The following CPEB1 variants were observed in gnomAD, a reference collection of about 807,000 sequenced individuals.
CPEB1 encodes cytoplasmic polyadenylation element binding protein 1, also known as cytoplasmic polyadenylation element-binding protein 1.
In CPEB1, 7 loss-of-function variants were observed where a neutral mutation model predicts 65.8. That is an observed-to-expected ratio of 0.11 (90% CI 0.06 to 0.20). The LOEUF (loss-of-function observed/expected upper bound fraction) is 0.20, where lower values mean the gene tolerates loss of function less well. Ranked by LOEUF, CPEB1 falls within the 10% of genes least tolerant of loss-of-function variation. The probability of loss-of-function intolerance (pLI) is 1.00; values close to 1 mark genes in which losing one functional copy is unlikely to be tolerated. For missense variants in CPEB1, 551 were observed against 712.2 expected (o/e 0.77, Z 2.58); for synonymous variants, 262 against 260.0 (o/e 1.01, Z -0.08).
chr15:82,628,052 A>T (rs141473827), intron 2 of CPEB1: 1 of 612,850 alleles, frequency 1.6e-6, no homozygotes, highest in African/African-American at 1.8e-5. Flanking sequence ...GGCTCATTAC[A>T]CATGCTACTC....
intron 3 of CPEB1, among the ~76,000 whole-genome samples, chr15:82,601,051 C>T (rs1053278444): frequency 4.0e-5 from 6 of 150,674 alleles, no homozygotes; most frequent in Admixed American, 6.6e-5. Flanking sequence ...ATTACAGGTG[C>T]GTGCCACCAC....
chr15:82,547,307 T>C, intron 10 of CPEB1, 70 bp from the exon 11 acceptor site: 1 of 1,007,976 alleles, frequency 9.9e-7, no homozygotes, highest in South Asian at 1.5e-5. Context: ...TTTTTTTTTT[T>C]TTTTTTTGAG....
chr15:82,559,708 A>G (rs890203913), intron 4 of CPEB1, among the ~76,000 whole-genome samples: 2 of 152,236 alleles, frequency 1.3e-5, no homozygotes, highest in South Asian at 2.1e-4. Context: ...TCAAAGCTCT[A>G]AAATTTAACT....
chr15:82,572,936 G>T, intron 3 of CPEB1: 2 of 1,218,622 alleles, frequency 1.6e-6, no homozygotes, highest in Non-Finnish European at 2.2e-6. Context: ...TCCAACATGA[G>T]CCCAGGGTCA....
chr15:82,571,294 C>G (rs1332018505), intron 4 of CPEB1, 50 bp downstream of exon 4: 1 of 1,573,164 alleles, frequency 6.4e-7, no homozygotes, highest in Non-Finnish European at 8.6e-7. Flanking sequence ...TCTTCGTTCA[C>G]CACCCCCATG....
intron 8 of CPEB1, among the ~76,000 whole-genome samples, chr15:82,553,144 A>G (rs2036566437): frequency 6.6e-6 from 1 of 152,200 alleles, no homozygotes; most frequent in South Asian, 2.1e-4. Flanking sequence ...ACAGGCAGGC[A>G]AGGGAAAGCT....
At chr15:82,612,101 A>T (rs1341690742) in intron 3 of CPEB1, among the ~76,000 whole-genome samples, 1 of 152,170 alleles carries the variant, frequency 6.6e-6, no homozygotes, top group Non-Finnish European at 1.5e-5. Context: ...CTAAAACATC[A>T]GAAGAAGCTT....
chr15:82,557,851 G>A lies in CPEB1; in HGVS notation c.596C>T (p.Thr199Ile). The A allele has an allele frequency of 6.2e-7, 1 of 1,614,140 alleles. No homozygotes were observed. Among genetic ancestry groups the A allele is most frequent in the South Asian group, 1.1e-5 (1 of 91,080 alleles). ...APSVRGSRLD[T>I]RPILDSRSSS... is the part of the protein sequence containing the mutation. The stretch of plus-strand genomic sequence containing the variant: ...AGATCGAGAGTCCAGGATGGGCCGG[G>A]TGTCCAGGCGTGATCCTCTAACTGA... The change falls in exon 5 of 13, where the codon ACC (threonine) becomes ATC (isoleucine). Residue 199 changes from threonine to isoleucine, a missense_variant. Coordinates refer to ENST00000684509, the MANE Select transcript of CPEB1 (RefSeq NM_001365242.1).
rs374412102 is a variant in CPEB1, at chr15:82,546,385, G to A, written c.1656+56C>T. On this transcript the variant is annotated intron_variant, in intron 12 of 12. Transcript: ENST00000684509. ...GCTGGGATTACAGGTGTGAACCACC[G>A]CGCCCAGCCAACAATTTTTAATAGA... 3.9e-4 allele frequency: 558 copies of A among 1,443,504 alleles called. 5 individuals are homozygous for A. Among genetic ancestry groups the A allele is most frequent in the Non-Finnish European group, 1.2e-4 (119 of 1,026,096 alleles). The allele number at this position is 1,443,504 out of a possible 1,614,324, so 89.4% of individuals were successfully genotyped here. A position where few individuals can be genotyped will look rare whatever the true frequency, so the allele number is the denominator to read the frequency against.
At chr15:82,638,607 G>C (rs773704080) in intron 1 of CPEB1, 1 of 151,944 alleles carries the variant, frequency 6.6e-6, no homozygotes, top group Non-Finnish European at 1.5e-5. Flanking sequence ...ACCCAAAGTT[G>C]AATAACCATA....
chr15:82,629,658 G>C, intron 1 of CPEB1: 1 of 979,374 alleles, frequency 1.0e-6, no homozygotes, highest in African/African-American at 1.7e-5. Context: ...TTTAAGGGGA[G>C]CCTGCCTCAT....
At chr15:82,587,568 C>G (rs2041901020) in intron 3 of CPEB1, among the ~76,000 whole-genome samples, 1 of 152,082 alleles carries the variant, frequency 6.6e-6, no homozygotes, top group Non-Finnish European at 1.5e-5. Flanking sequence ...GGAGAGAACT[C>G]AAAGTCATCA....
At chr15:82,611,746 A>G (rs1196409414) in intron 3 of CPEB1, among the ~76,000 whole-genome samples, 2 of 152,088 alleles carry the variant, frequency 1.3e-5, no homozygotes, top group East Asian at 1.9e-4. Context: ...CGATGATCTA[A>G]TAATTTTCAT....
chr15:82,623,624 C>T (rs1047288681), intron 3 of CPEB1, among the ~76,000 whole-genome samples: 4 of 152,010 alleles, frequency 2.6e-5, no homozygotes, highest in African/African-American at 4.8e-5. Context: ...TGCAGTGAGC[C>T]GAGATCACGC....
intron 4 of CPEB1, among the ~76,000 whole-genome samples, chr15:82,565,199 C>T (rs889722531): frequency 3.9e-5 from 6 of 152,136 alleles, no homozygotes; most frequent in Admixed American, 3.3e-4. Flanking sequence ...GTCAGATGCC[C>T]TAGAGTGACC....
intron 3 of CPEB1, among the ~76,000 whole-genome samples, chr15:82,589,262 C>T (rs2042033442): frequency 6.6e-6 from 1 of 152,250 alleles, no homozygotes; most frequent in South Asian, 2.1e-4. Flanking sequence ...CTTAATACTC[C>T]TGCTCTGGCC....
intron 3 of CPEB1, among the ~76,000 whole-genome samples, chr15:82,597,049 C>A (rs2042719172): frequency 6.6e-6 from 1 of 152,166 alleles, no homozygotes; most frequent in African/African-American, 2.4e-5. Context: ...ATAGGCTGGG[C>A]ACGTTGGCTC....
At chr15:82,646,996 C>T (rs587696427) in intron 1 of CPEB1, 141 bp downstream of exon 1, 9 of 152,856 alleles carry the variant, frequency 5.9e-5, no homozygotes, top group South Asian at 4.1e-4. Context: ...GGAGAATGAC[C>T]AGAACGCCAG....
chr15:82,609,418 T>C (rs1046121980), intron 3 of CPEB1, among the ~76,000 whole-genome samples: 3 of 151,980 alleles, frequency 2.0e-5, no homozygotes, highest in Non-Finnish European at 4.4e-5. Flanking sequence ...GGAGGATTGT[T>C]TGAGCCTGGG....
Sources: allele counts gnomAD v4.1 joint callset (sites outside exome capture counted in the v4.1 genomes callset), GRCh38; gene constraint gnomAD v4.1.1; transcripts MANE v1.5; gene names NCBI Gene and HGNC (gene_info 2026-07-23, HGNC 2026-07-21).